Variants in ZNF723 observed in about 807,000 individuals in gnomAD.
The protein encoded by ZNF723 is zinc finger protein 723, pseudogene.
ZNF723 carries 5 observed loss-of-function variants against 9.4 expected under a neutral mutation model. The ratio of observed to expected loss-of-function variants is 0.53; its 90% confidence interval spans 0.28 to 1.12. The LOEUF (loss-of-function observed/expected upper bound fraction) is 1.12. Ranked by LOEUF, ZNF723 falls within the 50% of genes most tolerant of loss-of-function variation. The pLI is 0.10. For synonymous variants in ZNF723, 158 were observed against 168.8 expected (o/e 0.94, Z 0.49); for missense variants, 450 against 501.5 (o/e 0.90, Z 0.98).
At chr19:22,837,157 G>A (rs748617264) in intron 1 of ZNF723, among the ~76,000 whole-genome samples, 2 of 151,958 alleles carry the variant, frequency 1.3e-5, no homozygotes, top group Non-Finnish European at 2.9e-5. Context: ...GCTGGGCGTG[G>A]TGGTGTGTGG....
the ZNF723 span, among the ~76,000 whole-genome samples, chr19:22,812,422 T>C: frequency 6.6e-6 from 1 of 152,194 alleles, no homozygotes; most frequent in African/African-American, 2.4e-5. Context: ...CCAGCTGCAA[T>C]TGGCATGGTG....
intron 1 of ZNF723, among the ~76,000 whole-genome samples, chr19:22,843,725 A>G (rs1967275097): frequency 6.6e-6 from 1 of 152,188 alleles, no homozygotes; most frequent in African/African-American, 2.4e-5. Flanking sequence ...AGGGATATTT[A>G]TGAACAGAAG....
At chr19:22,834,999 T>C (rs1466719227) in intron 1 of ZNF723, among the ~76,000 whole-genome samples, 3 of 151,622 alleles carry the variant, frequency 2.0e-5, no homozygotes, top group Non-Finnish European at 4.4e-5. Flanking sequence ...AGAATCTAAG[T>C]GATTGGATGA....
the ZNF723 span, among the ~76,000 whole-genome samples, chr19:22,821,142 C>T: frequency 1.3e-5 from 2 of 152,140 alleles, no homozygotes; most frequent in Non-Finnish European, 2.9e-5. Context: ...GTACTTGGAC[C>T]AAACATAAAG....
chr19:22,857,239 C>T lies in ZNF723; in HGVS notation c.348C>T (p.Gly116=), dbSNP rs1599482267. 3.5e-6 allele frequency: 3 copies of T among 865,844 alleles called. No individual in the cohort carries two copies. The East Asian group carries it at 7.2e-5, about 21-fold the overall frequency. The allele number at this position is 865,844 out of a possible 1,614,324, so 53.6% of individuals were successfully genotyped here. A position where few individuals can be genotyped will look rare whatever the true frequency, so the allele number is the denominator to read the frequency against. Residue 116 remains glycine (G), a synonymous_variant, in exon 4 of 4, where the codon GGC becomes GGT. Coordinates refer to ENST00000600766, the MANE Select transcript of ZNF723 (RefSeq NM_001349726.2). ...ATGACAATTTACAATTAAGAAAAGG[C>T]TGTGAAAGTGTGGATGAGTGTAAGA... ...YGHDNLQLRK[G]CESVDECKMH... is the part of the protein sequence containing the mutation.
At chr19:22,820,738 C>G in the ZNF723 span, among the ~76,000 whole-genome samples, 11 of 152,178 alleles carry the variant, frequency 7.2e-5, no homozygotes, top group Non-Finnish European at 1.6e-4. Context: ...AAAGTGTCAT[C>G]ATATGGTCCA....
chr19:22,817,789 T>A, the ZNF723 span, among the ~76,000 whole-genome samples: 2 of 152,078 alleles, frequency 1.3e-5, no homozygotes, highest in African/African-American at 4.8e-5. Flanking sequence ...AATCCTTAGG[T>A]CTCTTCTTTA....
At chr19:22,847,248 G>A (rs1440041984) in intron 1 of ZNF723, among the ~76,000 whole-genome samples, 2 of 143,704 alleles carry the variant, frequency 1.4e-5, no homozygotes, top group East Asian at 2.0e-4. Flanking sequence ...ACTAATTTTT[G>A]TAAAGGCCTT....
chr19:22,849,336 C>T, intron 3 of ZNF723, 43 bp downstream of exon 3: 1 of 514,158 alleles, frequency 1.9e-6, no homozygotes, highest in East Asian at 3.0e-5. Context: ...GATAAGACGT[C>T]CAAAGGTCAA....
At chr19:22,839,894 T>C (rs1599473476) in intron 1 of ZNF723, among the ~76,000 whole-genome samples, 1 of 152,236 alleles carries the variant, frequency 6.6e-6, no homozygotes, top group East Asian at 1.9e-4. Flanking sequence ...TTTCATATGC[T>C]TGTTAGCCAC....
chr19:22,857,225 C>A lies in ZNF723; in HGVS notation c.334C>A (p.Gln112Lys), dbSNP rs1349640046. Residue 112 changes from glutamine (Q) to lysine (K), a missense_variant, in exon 4 of 4, where the codon CAA becomes AAA. By Grantham distance (53) the Gln-to-Lys change is moderately conservative. Transcript: ENST00000600766. ...TGGAAAATATGGACATGACAATTTA[C>A]AATTAAGAAAAGGCTGTGAAAGTGT... ...SYGKYGHDNL[Q>K]LRKGCESVDE... 1.2e-5 allele frequency: 11 copies of A among 881,752 alleles called. No individual in the cohort carries two copies. The East Asian group carries it at 2.4e-4, about 19-fold the overall frequency. 54.6% of individuals were successfully genotyped at this position (881,752 alleles called of 1,614,324 possible). A position where few individuals can be genotyped will look rare whatever the true frequency, so the allele number is the denominator to read the frequency against.
At chr19:22,856,919 T>G (rs1253795622) in intron 3 of ZNF723, among the ~76,000 whole-genome samples, 199 bp from the exon 4 acceptor site, 1 of 152,240 alleles carries the variant, frequency 6.6e-6, no homozygotes, top group Non-Finnish European at 1.5e-5. Context: ...CTGCACATAC[T>G]TAACTCATTT....
intron 1 of ZNF723, among the ~76,000 whole-genome samples, chr19:22,848,010 G>T (rs979039492): frequency 2.0e-5 from 3 of 151,040 alleles, no homozygotes; most frequent in African/African-American, 7.3e-5. Flanking sequence ...ACTGAGGCAA[G>T]AGAATCACTT....
intron 2 of ZNF723, among the ~76,000 whole-genome samples, chr19:22,848,923 T>G (rs1420744632): frequency 2.0e-5 from 3 of 151,822 alleles, no homozygotes; most frequent in Non-Finnish European, 4.4e-5. Flanking sequence ...CCCAGCTAAT[T>G]TTTGTATTTT....
chr19:22,857,872 C>G lies in ZNF723; in HGVS notation c.981C>G (p.His327Gln). ...GCAAAGCCTTTAACCAGCCCTCACA[C>G]CTTGCTACACATAAGAGAATTCATA... ...ECGKAFNQPS[H>Q]LATHKRIHTG... is the part of the protein sequence containing the mutation. Residue 327 changes from histidine to glutamine, a missense_variant, in exon 4 of 4, where the codon CAC becomes CAG. Transcript: ENST00000600766. 7.1e-7 allele frequency: 1 copy of G among 1,411,928 alleles called. No individual in the cohort carries two copies. 87.5% of individuals were successfully genotyped at this position (1,411,928 alleles called of 1,614,324 possible).
Position 22,858,443 on chromosome 19 carries a change from T to G in ZNF723, c.*10T>G. On this transcript the variant is annotated 3_prime_UTR_variant, in exon 4 of 4. Coordinates refer to ENST00000600766, the MANE Select transcript of ZNF723 (RefSeq NM_001349726.2). The stretch of plus-strand genomic sequence containing the variant: ...AACCTTAAAGATGTGACAATGCTTT[T>G]TATGAAATCCCAAACTTTTTTAAAC... 3 of 667,254 alleles carry G rather than the reference T, an allele frequency of 4.5e-6. No individual in the cohort carries two copies. The highest frequency in any genetic ancestry group is 7.6e-6 in the Non-Finnish European group (3 of 393,140). The allele number at this position is 667,254 out of a possible 1,614,324, so 41.3% of individuals were successfully genotyped here. A position where few individuals can be genotyped will look rare whatever the true frequency, so the allele number is the denominator to read the frequency against.
At chr19:22,827,605 A>C (rs1190275125), upstream of ZNF723, among the ~76,000 whole-genome samples, 1 of 151,948 alleles carries the variant, frequency 6.6e-6, no homozygotes, top group East Asian at 2.0e-4. Context: ...GCATTACTGC[A>C]CATGGTTAAT....
At chr19:22,856,733 C>T (rs1413397115) in intron 3 of ZNF723, among the ~76,000 whole-genome samples, 1 of 152,144 alleles carries the variant, frequency 6.6e-6, no homozygotes, top group Non-Finnish European at 1.5e-5. Context: ...TCTGGAAAAG[C>T]CCCTCAAAGA....
intron 1 of ZNF723, among the ~76,000 whole-genome samples, chr19:22,846,415 G>A (rs898778216): frequency 1.3e-5 from 2 of 152,184 alleles, no homozygotes; most frequent in Non-Finnish European, 2.9e-5. Context: ...CTGAGGTCAG[G>A]AGTTCAAGAG....
Sources: gnomAD v4.1 joint callset for allele counts (sites outside exome capture counted in the v4.1 genomes callset) on GRCh38, gnomAD v4.1.1 for gene constraint, MANE v1.5 for transcripts, NCBI Gene and HGNC (gene_info 2026-07-23, HGNC 2026-07-21) for gene names.